The following PTPRT variants were observed in gnomAD, a reference collection of about 807,000 sequenced individuals.
PTPRT encodes receptor-type tyrosine-protein phosphatase T.
Under a neutral mutation model 176.8 loss-of-function variants are expected in PTPRT, and 56 were observed. The observed-to-expected ratio is 0.32, with a 90% CI of 0.26 to 0.40. The LOEUF is 0.40. Ranked by LOEUF, PTPRT falls within the 10% of genes least tolerant of loss-of-function variation. PTPRT has a pLI of 1.00. For missense variants in PTPRT, 1,540 were observed against 1,908.2 expected, an observed-to-expected ratio of 0.81 and a Z score of 3.60; for synonymous variants, 783 against 739.0, an observed-to-expected ratio of 1.06 and a Z score of -0.96.
intron 7 of PTPRT, among the ~76,000 whole-genome samples, chr20:42,639,274 C>A (rs1170508292): frequency 6.6e-6 from 1 of 152,066 alleles, no homozygotes; most frequent in East Asian, 1.9e-4. Context: ...CACTGGTAGT[C>A]ACTTGCTTTA....
chr20:43,104,418 G>T (rs986135825), intron 1 of PTPRT, among the ~76,000 whole-genome samples: 2 of 152,012 alleles, frequency 1.3e-5, no homozygotes, highest in African/African-American at 2.4e-5. Flanking sequence ...TAACAAAGCA[G>T]CTAAGAGTCC....
At chr20:42,047,348 G>C in the PTPRT span, among the ~76,000 whole-genome samples, 1 of 152,146 alleles carries the variant, frequency 6.6e-6, no homozygotes, top group African/African-American at 2.4e-5. Flanking sequence ...CTACCCCTGG[G>C]GGATTGCTGC....
intron 7 of PTPRT, among the ~76,000 whole-genome samples, chr20:42,597,885 T>C (rs1297845876): frequency 1.3e-5 from 2 of 152,196 alleles, no homozygotes; most frequent in Non-Finnish European, 2.9e-5. Flanking sequence ...AGAGATCATC[T>C]TATAATTCTG....
At chr20:42,184,579 C>CTTCTTCTTCTTCTTCTTCT (rs1568652381) in intron 16 of PTPRT, among the ~76,000 whole-genome samples, 7 of 139,656 alleles carry the variant, frequency 5.0e-5, no homozygotes, top group South Asian at 2.5e-4. Flanking sequence ...TCTTCTTCTT[C>CTTCTTCTTCTTCTTCTTCT]TTCTTCTTCT....
intron 1 of PTPRT, among the ~76,000 whole-genome samples, chr20:43,085,707 C>T (rs950006146): frequency 5.3e-5 from 8 of 152,152 alleles, no homozygotes; most frequent in African/African-American, 1.9e-4. Context: ...GAACAGCACG[C>T]GAAAAACCCT....
At chr20:42,398,147 A>C (rs1394325558) in intron 9 of PTPRT, among the ~76,000 whole-genome samples, 1 of 152,132 alleles carries the variant, frequency 6.6e-6, no homozygotes, top group Non-Finnish European at 1.5e-5. Context: ...CTGTTCCACA[A>C]AAAAAATTGT....
chr20:42,792,276 C>A (rs370593444), intron 2 of PTPRT, among the ~76,000 whole-genome samples: 1 of 152,184 alleles, frequency 6.6e-6, no homozygotes, highest in East Asian at 1.9e-4. Context: ...CTAGAATAAA[C>A]GCTTATTGTT....
At chr20:42,339,637 T>C (rs2058085728) in intron 11 of PTPRT, among the ~76,000 whole-genome samples, 1 of 152,190 alleles carries the variant, frequency 6.6e-6, no homozygotes, top group African/African-American at 2.4e-5. Flanking sequence ...CCAAGACCAG[T>C]AGGTCACCTG....
chr20:42,792,288 T>C (rs2077388134), intron 2 of PTPRT, among the ~76,000 whole-genome samples: 1 of 152,186 alleles, frequency 6.6e-6, no homozygotes, highest in Admixed American at 6.5e-5. Flanking sequence ...CTTATTGTTG[T>C]TTGCCAGTGA....
chr20:42,919,764 G>T (rs1024843891), intron 1 of PTPRT, among the ~76,000 whole-genome samples: 1 of 152,206 alleles, frequency 6.6e-6, no homozygotes, highest in Non-Finnish European at 1.5e-5. Flanking sequence ...CTCAAATATA[G>T]ATTCCTGTCC....
chr20:42,104,027 C>G (rs1986190586), intron 25 of PTPRT, among the ~76,000 whole-genome samples: 1 of 152,222 alleles, frequency 6.6e-6, no homozygotes, highest in African/African-American at 2.4e-5. Flanking sequence ...GGTTGGGTTA[C>G]TGTTACGGAC....
At chr20:43,183,001 A>G (rs1288969534) in intron 1 of PTPRT, among the ~76,000 whole-genome samples, 2 of 152,226 alleles carry the variant, frequency 1.3e-5, no homozygotes, top group Admixed American at 1.3e-4. Context: ...TATTCAGGGT[A>G]AAAGTTATTC....
intron 2 of PTPRT, among the ~76,000 whole-genome samples, chr20:42,865,700 A>G (rs948672652): frequency 6.6e-6 from 1 of 152,160 alleles, no homozygotes; most frequent in Non-Finnish European, 1.5e-5. Flanking sequence ...TGACAAGGGG[A>G]TGGCAAAGTA....
chr20:42,330,421 A>G (rs1280908467), intron 11 of PTPRT, among the ~76,000 whole-genome samples: 1 of 152,166 alleles, frequency 6.6e-6, no homozygotes, highest in Non-Finnish European at 1.5e-5. Flanking sequence ...GGTTACAGTG[A>G]GCCAGGATCA....
the PTPRT span, among the ~76,000 whole-genome samples, chr20:42,053,310 C>A: frequency 6.6e-6 from 1 of 152,170 alleles, no homozygotes; most frequent in Non-Finnish European, 1.5e-5. Flanking sequence ...CAGGTCATCT[C>A]CTTTTACTGA....
At position 43,019,646 on chromosome 20, in the gene PTPRT, G is replaced by T. The variant is rs538593860; in HGVS notation, c.89-133714C>A. Among the ~76,000 whole-genome samples, 19 of 151,234 alleles carry T rather than the reference G, an allele frequency of 1.3e-4. No individual in the cohort carries two copies. In the East Asian group the frequency reaches 3.1e-3, roughly 25 times the overall value. On this transcript the variant is annotated intron_variant, in intron 1 of 30. Transcript: ENST00000373187. The stretch of plus-strand genomic sequence containing the variant: ...AAAAAAAAAAAAAAAAGAATAATTG[G>T]ACTGCCCCAGCTGTGTCTGTGAGAA...
intron 1 of PTPRT, among the ~76,000 whole-genome samples, chr20:43,033,697 T>G (rs569583266): frequency 1.3e-5 from 2 of 152,296 alleles, no homozygotes; most frequent in African/African-American, 4.8e-5. Flanking sequence ...TAATTTTACC[T>G]CCAAATCTGC....
At chr20:42,993,499 T>TAC (rs369231770) in intron 1 of PTPRT, among the ~76,000 whole-genome samples, 1 of 79,096 alleles carries the variant, frequency 1.3e-5, no homozygotes, top group Non-Finnish European at 2.7e-5. Context: ...TGTATATATA[T>TAC]ACACATATAT....
intron 7 of PTPRT, among the ~76,000 whole-genome samples, chr20:42,614,974 T>G: frequency 6.8e-6 from 1 of 148,104 alleles, no homozygotes. Context: ...TTAGGGTACA[T>G]GTGCACATTG....
Sources: gnomAD v4.1 joint callset for allele counts (sites outside exome capture counted in the v4.1 genomes callset) on GRCh38, gnomAD v4.1.1 for gene constraint, MANE v1.5 for transcripts, NCBI Gene and HGNC (gene_info 2026-07-23, HGNC 2026-07-21) for gene names.